Variants in MS4A4A observed in about 807,000 individuals in gnomAD.
MS4A4A encodes the protein membrane-spanning 4-domains subfamily A member 4A.
In MS4A4A, 26 loss-of-function variants were observed where a neutral mutation model predicts 28.0. The observed-to-expected ratio is 0.93, with a 90% CI of 0.68 to 1.29. The LOEUF is 1.29. Among genes scored for constraint, MS4A4A ranks in the 50% most tolerant of loss-of-function variants. The probability of loss-of-function intolerance (pLI) is 0.00; values close to 1 mark genes in which losing one functional copy is unlikely to be tolerated. For missense variants in MS4A4A, 290 were observed against 293.1 expected, an observed-to-expected ratio of 0.99 and a Z score of 0.08; for synonymous variants, 86 against 100.8, an observed-to-expected ratio of 0.85 and a Z score of 0.88.
At chr11:60,293,409 A>C (rs533726197) in intron 2 of MS4A4A, among the ~76,000 whole-genome samples, 2 of 152,320 alleles carry the variant, frequency 1.3e-5, no homozygotes, top group Admixed American at 1.3e-4. Flanking sequence ...TTGAGAGCAA[A>C]GTACAGATCT....
In MS4A4A at chr11:60,302,586, A is replaced by G; in HGVS notation, c.415A>G (p.Thr139Ala). The G allele has an allele frequency of 1.9e-6, 3 of 1,614,158 alleles. 1 individual carries two copies. The South Asian group carries it at 3.3e-5, about 18-fold the overall frequency. Residue 139 changes from threonine (T) to alanine (A), a missense_variant, in exon 5 of 7, where the codon ACC becomes GCC. Transcript: ENST00000337908. ...LVRGSLGMNI[T>A]SSVLAASGIL... Reference sequence around the variant, plus strand: ...CCGAGGTAGTCTAGGAATGAATATCACCAGCTCTGTACTGGCTGCATCAGG... The same window carrying G: ...CCGAGGTAGTCTAGGAATGAATATCGCCAGCTCTGTACTGGCTGCATCAGG...
intron 1 of MS4A4A, among the ~76,000 whole-genome samples, chr11:60,289,589 GTGTGTA>G (rs796578264): frequency 6.1e-4 from 37 of 60,250 alleles, no homozygotes; most frequent in Admixed American, 1.9e-3. Flanking sequence ...GTGTGTGTGT[GTGTGTA>G]TGTGTGTGTG....
At chr11:60,286,227 C>A (rs1033385635) in intron 1 of MS4A4A, among the ~76,000 whole-genome samples, 2 of 152,152 alleles carry the variant, frequency 1.3e-5, no homozygotes, top group Non-Finnish European at 2.9e-5. Flanking sequence ...TCAGGGTGCC[C>A]AGATTTCATA....
chr11:60,285,732 G>A (rs1040806499), intron 1 of MS4A4A, among the ~76,000 whole-genome samples: 2 of 152,164 alleles, frequency 1.3e-5, no homozygotes, highest in Non-Finnish European at 2.9e-5. Context: ...GGGTCACAGA[G>A]ATCACATGCT....
At chr11:60,308,068 T>A (rs1408373900) in intron 6 of MS4A4A, 39 bp from the exon 7 acceptor site, 1 of 1,582,046 alleles carries the variant, frequency 6.3e-7, no homozygotes, top group African/African-American at 1.3e-5. Context: ...TCTGAGGTGA[T>A]TTGGGTGACT....
chr11:60,296,447 C>T (rs1381196670), intron 2 of MS4A4A, among the ~76,000 whole-genome samples: 1 of 151,550 alleles, frequency 6.6e-6, no homozygotes, highest in Non-Finnish European at 1.5e-5. Context: ...TTTGTTTATT[C>T]ATGTTCTGTT....
At chr11:60,286,596 A>G (rs138575846) in intron 1 of MS4A4A, among the ~76,000 whole-genome samples, 81 of 152,296 alleles carry the variant, frequency 5.3e-4, no homozygotes, top group African/African-American at 1.9e-3. Context: ...AATGACTTCT[A>G]TTACCCACCC....
In MS4A4A at chr11:60,302,658, CCTTACTGTAA is replaced by C. The variant is rs764673509; in HGVS notation, c.490_499del (p.Tyr164ThrfsTer15). On this transcript the variant is annotated frameshift_variant, in exon 5 of 7. Coordinates refer to ENST00000337908, the MANE Select transcript of MS4A4A (RefSeq NM_148975.3). LOFTEE classifies it high-confidence loss of function. Reference sequence around the variant, plus strand: ...CTTGGCGTTTTATTCATTCCATCACCCTTACTGTAACTACTATGGCAACTCAAATAATTGT... The same window carrying C: ...CTTGGCGTTTTATTCATTCCATCACCCTACTATGGCAACTCAAATAATTGT... 6.2e-7 allele frequency: 1 copy of C among 1,613,936 alleles called. No homozygotes were observed. Among genetic ancestry groups the C allele is most frequent in the Non-Finnish European group, 8.5e-7 (1 of 1,179,868 alleles).
At chr11:60,296,662 G>T (rs1019907127) in intron 2 of MS4A4A, among the ~76,000 whole-genome samples, 11 of 152,054 alleles carry the variant, frequency 7.2e-5, no homozygotes, top group Admixed American at 2.0e-4. Context: ...TTGATAAGTT[G>T]TTGAAATGTT....
intron 5 of MS4A4A, among the ~76,000 whole-genome samples, chr11:60,305,444 G>C (rs947617794): frequency 6.6e-6 from 1 of 152,164 alleles, no homozygotes; most frequent in African/African-American, 2.4e-5. Context: ...GGCTTCTTTA[G>C]GCTGCCTATG....
intron 1 of MS4A4A, among the ~76,000 whole-genome samples, chr11:60,288,324 A>T (rs1423145756): frequency 6.6e-6 from 1 of 152,208 alleles, no homozygotes. Flanking sequence ...CACAAGTATT[A>T]TAGTGGCTGT....
chr11:60,286,036 C>T (rs886569230), intron 1 of MS4A4A, among the ~76,000 whole-genome samples: 2 of 152,154 alleles, frequency 1.3e-5, no homozygotes, highest in African/African-American at 4.8e-5. Context: ...CCATAGGCAC[C>T]CCCTGGGAAT....
intron 4 of MS4A4A, among the ~76,000 whole-genome samples, chr11:60,302,078 G>C (rs1336691052): frequency 1.3e-5 from 2 of 152,208 alleles, no homozygotes; most frequent in Admixed American, 1.3e-4. Context: ...ACTGCGCCCA[G>C]TCAGCAATTT....
chr11:60,306,171 A>G lies in MS4A4A; in HGVS notation c.618A>G (p.Gly206=), dbSNP rs758558768. 3.1e-6 allele frequency: 5 copies of G among 1,613,936 alleles called. No homozygotes were observed. Among genetic ancestry groups the G allele is most frequent in the Non-Finnish European group, 4.2e-6 (5 of 1,179,834 alleles). Residue 206 remains glycine (G), a synonymous_variant, in exon 6 of 7, where the codon GGA becomes GGG. Transcript: ENST00000337908. ...FCIAVSLSAF[G]CKVLCCTPGG... ...TTGCTGTGTCCCTCTCTGCCTTTGG[A>G]TGTAAAGTGCTCTGTTGTACCCCTG...
In MS4A4A at chr11:60,308,159, C is replaced by T. The variant is rs774994723; in HGVS notation, c.701C>T (p.Thr234Ile). 7 of 1,613,922 alleles carry T rather than the reference C, an allele frequency of 4.3e-6. No individual in the cohort carries two copies. In the Admixed American group the frequency reaches 1.0e-4, roughly 23 times the overall value. Residue 234 changes from threonine (T) to isoleucine (I), a missense_variant, in exon 7 of 7, where the codon ACA (threonine) becomes ATA (isoleucine). Thr to Ile is a moderately conservative substitution (Grantham distance 89). Coordinates refer to ENST00000337908, the MANE Select transcript of MS4A4A (RefSeq NM_148975.3). Reference sequence around the variant, plus strand: ...CACATGGCAGAAACAGCATCTCCCACACCACTTAATGAGGTTTGAGGCCAC... The same window carrying T: ...CACATGGCAGAAACAGCATCTCCCATACCACTTAATGAGGTTTGAGGCCAC... Reference protein sequence around the residue: ...HSHMAETASPTPLNEV With the variant: ...HSHMAETASPIPLNEV
At chr11:60,290,432 T>TA (rs944753506) in intron 1 of MS4A4A, among the ~76,000 whole-genome samples, 7 of 151,806 alleles carry the variant, frequency 4.6e-5, no homozygotes, top group Non-Finnish European at 7.4e-5. Flanking sequence ...CCCACTTTCA[T>TA]AAAAAAAATG....
At chr11:60,295,967 T>C (rs2135023006) in intron 2 of MS4A4A, among the ~76,000 whole-genome samples, 1 of 152,188 alleles carries the variant, frequency 6.6e-6, no homozygotes, top group Admixed American at 6.5e-5. Context: ...GTAATGTTTT[T>C]GAATGATTTT....
intron 5 of MS4A4A, among the ~76,000 whole-genome samples, chr11:60,305,500 T>C (rs1565149505): frequency 6.6e-6 from 1 of 152,246 alleles, no homozygotes; most frequent in Non-Finnish European, 1.5e-5. Context: ...TCAAGCGATG[T>C]AGCATCTTCA....
chr11:60,308,025 A>G (rs1338076863), intron 6 of MS4A4A, 82 bp from the exon 7 acceptor site: 3 of 1,189,598 alleles, frequency 2.5e-6, no homozygotes, highest in Non-Finnish European at 3.7e-6. Context: ...AAACTCTGAT[A>G]ATGATGACTT....
Sources: allele counts gnomAD v4.1 joint callset (sites outside exome capture counted in the v4.1 genomes callset), GRCh38; gene constraint gnomAD v4.1.1; transcripts MANE v1.5; gene names NCBI Gene and HGNC (gene_info 2026-07-23, HGNC 2026-07-21).